DIS3L2: variants seen among roughly 807,000 people sequenced by gnomAD.
DIS3L2 encodes the protein DIS3-like exonuclease 2.
DIS3L2 carries 34 observed loss-of-function variants against 97.5 expected under a neutral mutation model. The ratio of observed to expected loss-of-function variants is 0.35; its 90% CI spans 0.27 to 0.46. The LOEUF is 0.46. Ranked by LOEUF, DIS3L2 falls within the 20% of genes least tolerant of loss-of-function variation. The pLI is 1.00. For missense variants in DIS3L2, 1,038 were observed against 1,146.0 expected (o/e 0.91, Z 1.36); for synonymous variants, 435 against 445.2 (o/e 0.98, Z 0.29).
rs556440957 is a variant in DIS3L2 at position 232,116,452 on chromosome 2, C to A, written c.602-14167C>A. The stretch of plus-strand genomic sequence containing the variant: ...TTTCATGGTCACTATGTGGAATTAT[C>A]CTTGCCTACAAGTTCATCCTACTGT... On this transcript the variant is annotated intron_variant, in intron 6 of 20. Transcript: ENST00000325385. Among the ~76,000 whole-genome samples the A allele has an allele frequency of 2.0e-5, 3 of 152,264 alleles. No individual in the cohort carries two copies. The South Asian group carries it at 6.2e-4, about 32-fold the overall frequency.
At chr2:231,979,912 A>T (rs1488063651) in intron 1 of DIS3L2, among the ~76,000 whole-genome samples, 1 of 152,154 alleles carries the variant, frequency 6.6e-6, no homozygotes, top group Non-Finnish European at 1.5e-5. Context: ...ACTTTTCTTC[A>T]AACAGATAGC....
chr2:232,313,805 A>G (rs1043555985), intron 14 of DIS3L2, among the ~76,000 whole-genome samples: 1 of 152,238 alleles, frequency 6.6e-6, no homozygotes, highest in Non-Finnish European at 1.5e-5. Context: ...CCTCACAATC[A>G]TGGCAGAAGG....
chr2:232,299,891 C>T (rs1053593051), intron 13 of DIS3L2, 149 bp from the exon 14 acceptor site: 8 of 653,032 alleles, frequency 1.2e-5, no homozygotes, highest in Middle Eastern at 2.6e-4. Flanking sequence ...AAGGTGTGGG[C>T]TCTTCCCAGA....
At position 232,037,826 on chromosome 2, in the gene DIS3L2, C is replaced by T. The variant is rs115126488; in HGVS notation, c.366+7746C>T. The stretch of plus-strand genomic sequence containing the variant: ...TCCTTGCACTTCCTGGGTGAGGTAA[C>T]GCCCCACCCTGCTTTGGCTTGCCCT... On this transcript the variant is annotated intron_variant, in intron 5 of 20. Coordinates refer to ENST00000325385, the MANE Select transcript of DIS3L2 (RefSeq NM_152383.5). The surrounding 1 kb of genome is among the most constrained non-coding windows in gnomAD (Gnocchi z 4.6). Among the ~76,000 whole-genome samples the T allele has an allele frequency of 3.2e-3, 483 of 152,308 alleles. 3 individuals are homozygous for T. The highest frequency in any genetic ancestry group is 0.011 in the African/African-American group (464 of 41,574).
At chr2:232,098,541 A>G (rs1017701456) in intron 6 of DIS3L2, among the ~76,000 whole-genome samples, 6 of 151,980 alleles carry the variant, frequency 3.9e-5, no homozygotes, top group African/African-American at 1.5e-4. Flanking sequence ...TTTAGTAGAG[A>G]TGGGTTTTCA....
Position 232,133,987 on chromosome 2 carries a change from C to CA in DIS3L2, c.703-2470dup, listed in dbSNP as rs60195881. ...TGGGTAACAGAGCAAGACTCTGTCT[C>CA]AAAAAAAAAAAAAAATTATATAAAG... is the stretch of plus-strand genomic sequence containing the variant. On this transcript the variant is annotated intron_variant, in intron 7 of 20. Coordinates refer to ENST00000325385, the MANE Select transcript of DIS3L2 (RefSeq NM_152383.5). Among the ~76,000 whole-genome samples, 408 of 76,298 alleles carry CA rather than the reference C, an allele frequency of 5.3e-3. 14 individuals are homozygous for CA. Among genetic ancestry groups the CA allele is most frequent in the Non-Finnish European group, 7.2e-3 (313 of 43,476 alleles). The allele number at this position is 76,298 out of a possible 152,430, so 50.1% of individuals were successfully genotyped here.
chr2:232,172,429 A>T (rs749900344), intron 9 of DIS3L2, among the ~76,000 whole-genome samples: 1 of 152,224 alleles, frequency 6.6e-6, no homozygotes, highest in African/African-American at 2.4e-5. Flanking sequence ...TTTACTTGAC[A>T]TAATGTTTTC....
intron 9 of DIS3L2, among the ~76,000 whole-genome samples, chr2:232,182,145 A>G (rs1460024590): frequency 6.6e-6 from 1 of 152,150 alleles, no homozygotes; most frequent in Non-Finnish European, 1.5e-5. Flanking sequence ...GTTTTCATTT[A>G]TATCTAAATA....
intron 1 of DIS3L2, among the ~76,000 whole-genome samples, chr2:231,984,916 C>A (rs543134154): frequency 1.3e-5 from 2 of 152,290 alleles, no homozygotes; most frequent in South Asian, 4.1e-4. Flanking sequence ...CCACTGTGCC[C>A]GGCAAATTAA....
chr2:232,148,398 C>A (rs1690284547), intron 8 of DIS3L2, among the ~76,000 whole-genome samples: 1 of 152,134 alleles, frequency 6.6e-6, no homozygotes, highest in South Asian at 2.1e-4. Context: ...TGAGCTCTTT[C>A]AGCATGCTGA....
chr2:232,153,108 TG>T (rs1690373075), intron 8 of DIS3L2, among the ~76,000 whole-genome samples: 1 of 4,250 alleles, frequency 2.4e-4, no homozygotes. Context: ...GCACGTGAGA[TG>T]GGTTTCCTGA....
At chr2:232,326,568 G>A (rs1424510874) in intron 14 of DIS3L2, among the ~76,000 whole-genome samples, 2 of 152,034 alleles carry the variant, frequency 1.3e-5, no homozygotes, top group Non-Finnish European at 2.9e-5. Flanking sequence ...AGGACATGAG[G>A]GCACCAAACA....
chr2:232,333,194 T>G (rs536138501), intron 16 of DIS3L2, among the ~76,000 whole-genome samples: 5 of 61,090 alleles, frequency 8.2e-5, no homozygotes, highest in African/African-American at 5.2e-4. Flanking sequence ...CTCCTCCTCC[T>G]CCTCCTCCTC....
At chr2:232,065,555 GT>G (rs1415120436) in intron 5 of DIS3L2, among the ~76,000 whole-genome samples, 3 of 151,830 alleles carry the variant, frequency 2.0e-5, no homozygotes, top group Non-Finnish European at 4.4e-5. Context: ...TCTATATTCT[GT>G]TCCATTAATC....
chr2:232,189,174 T>C (rs1038112839), intron 9 of DIS3L2, among the ~76,000 whole-genome samples: 1 of 150,696 alleles, frequency 6.6e-6, no homozygotes, highest in African/African-American at 2.4e-5. Context: ...GGAAACACTT[T>C]GGCAGTTTCT....
chr2:232,217,197 A>T (rs977050968), intron 10 of DIS3L2, among the ~76,000 whole-genome samples: 1 of 152,132 alleles, frequency 6.6e-6, no homozygotes, highest in African/African-American at 2.4e-5. Flanking sequence ...GTCCCTGCTG[A>T]TGAGGGATCA....
intron 6 of DIS3L2, chr2:232,111,132 T>C: frequency 2.4e-6 from 1 of 414,610 alleles, no homozygotes; most frequent in Non-Finnish European, 5.0e-6. Flanking sequence ...AAAGATCTTA[T>C]TAAAAAACTG....
chr2:232,137,476 C>T (rs1189978749), intron 8 of DIS3L2, among the ~76,000 whole-genome samples: 3 of 152,142 alleles, frequency 2.0e-5, no homozygotes, highest in African/African-American at 7.2e-5. Flanking sequence ...TAAAGGTATA[C>T]AATCTAGAAA....
intron 13 of DIS3L2, among the ~76,000 whole-genome samples, chr2:232,278,715 A>G (rs2106298372): frequency 6.6e-6 from 1 of 152,342 alleles, no homozygotes; most frequent in African/African-American, 2.4e-5. Flanking sequence ...TCCACTTACC[A>G]GTTGAAGAAT....
Sources: allele counts gnomAD v4.1 joint callset (sites outside exome capture counted in the v4.1 genomes callset), GRCh38; gene constraint gnomAD v4.1.1; non-coding constraint Gnocchi (gnomAD v3.1); transcripts MANE v1.5; gene names NCBI Gene and HGNC (gene_info 2026-07-23, HGNC 2026-07-21).